Variants in NEBL observed in about 807,000 individuals in gnomAD.
NEBL encodes nebulette.
Under a neutral mutation model 140.2 loss-of-function variants are expected in NEBL, and 122 were observed. That is an observed-to-expected ratio of 0.87 (90% confidence interval 0.75 to 1.01). The LOEUF is 1.01. Among genes scored for constraint, NEBL ranks in the 50% least tolerant of loss-of-function variants. NEBL has a pLI of 0.00. For missense variants in NEBL, 1,365 were observed against 1,231.3 expected (o/e 1.11, Z -1.62); for synonymous variants, 436 against 398.9 (o/e 1.09, Z -1.11).
intron 2 of NEBL, chr10:21,110,764 G>T (rs1209277530): frequency 3.8e-6 from 2 of 520,942 alleles, no homozygotes; most frequent in East Asian, 4.0e-5. Flanking sequence ...GGATACTGAT[G>T]AAAATGAGCA....
chr10:20,850,370 A>G (rs145700894), intron 11 of NEBL, 25 bp downstream of exon 11: 2 of 1,478,082 alleles, frequency 1.4e-6, no homozygotes, highest in South Asian at 1.1e-5. Flanking sequence ...ACATTAAACA[A>G]TTAGTAACAA....
intron 3 of NEBL, among the ~76,000 whole-genome samples, chr10:21,242,019 T>C (rs1261288550): frequency 1.3e-5 from 2 of 151,986 alleles, no homozygotes; most frequent in Admixed American, 1.3e-4. Flanking sequence ...CTGGGCAACA[T>C]AGTGAAACCC....
intron 2 of NEBL, among the ~76,000 whole-genome samples, chr10:21,249,818 C>T (rs999966068): frequency 6.6e-6 from 1 of 152,040 alleles, no homozygotes; most frequent in Non-Finnish European, 1.5e-5. Flanking sequence ...AATCCCAGCA[C>T]TTCGGGAGGC....
intron 2 of NEBL, among the ~76,000 whole-genome samples, chr10:21,053,960 G>C (rs1834898042): frequency 6.6e-6 from 1 of 152,120 alleles, no homozygotes. Flanking sequence ...TTGAACCTGG[G>C]AGGTGGAGGT....
At chr10:20,853,460 C>G (rs565730476) in intron 9 of NEBL, among the ~76,000 whole-genome samples, 3 of 152,080 alleles carry the variant, frequency 2.0e-5, no homozygotes, top group African/African-American at 7.2e-5. Context: ...ATATACACAA[C>G]GGAATACTAT....
At chr10:20,959,735 C>T (rs958244408) in intron 4 of NEBL, among the ~76,000 whole-genome samples, 1 of 151,930 alleles carries the variant, frequency 6.6e-6, no homozygotes, top group African/African-American at 2.4e-5. Flanking sequence ...AAGAGAACTA[C>T]TTATAAGACT....
At chr10:20,862,224 T>C (rs1843776173) in intron 7 of NEBL, among the ~76,000 whole-genome samples, 1 of 152,228 alleles carries the variant, frequency 6.6e-6, no homozygotes, top group Admixed American at 6.5e-5. Flanking sequence ...CTGTTATTCA[T>C]ATATTTATAT....
chr10:20,970,363 G>A (rs950188023), intron 3 of NEBL, among the ~76,000 whole-genome samples: 1 of 152,112 alleles, frequency 6.6e-6, no homozygotes, highest in African/African-American at 2.4e-5. Flanking sequence ...AATAGGCTGG[G>A]CACAGTGGCT....
At chr10:21,076,530 A>T (rs1357097384) in intron 2 of NEBL, among the ~76,000 whole-genome samples, 2 of 151,920 alleles carry the variant, frequency 1.3e-5, no homozygotes, top group Non-Finnish European at 2.9e-5. Context: ...AAAAAAAACT[A>T]AAGTGGGAAC....
chr10:20,877,040 T>C (rs1043472063), intron 5 of NEBL, among the ~76,000 whole-genome samples: 9 of 152,244 alleles, frequency 5.9e-5, no homozygotes, highest in African/African-American at 2.2e-4. Flanking sequence ...AAATTTCACA[T>C]TGATTTGGCC....
At chr10:21,091,545 A>C (rs1195019379) in intron 2 of NEBL, among the ~76,000 whole-genome samples, 1 of 152,224 alleles carries the variant, frequency 6.6e-6, no homozygotes, top group African/African-American at 2.4e-5. Context: ...TTTCCTCTGA[A>C]ATTCTCCCAA....
At chr10:21,166,667 G>A (rs1011937745) in intron 2 of NEBL, among the ~76,000 whole-genome samples, 3 of 152,128 alleles carry the variant, frequency 2.0e-5, no homozygotes, top group African/African-American at 7.2e-5. Flanking sequence ...GTATTACTGT[G>A]CCCATTTGAC....
intron 2 of NEBL, among the ~76,000 whole-genome samples, chr10:21,066,409 A>C (rs991961180): frequency 6.6e-6 from 1 of 152,244 alleles, no homozygotes; most frequent in Non-Finnish European, 1.5e-5. Flanking sequence ...AATGTTTTTC[A>C]TGCTAATGAT....
chr10:21,118,709 A>G (rs1449118085), intron 2 of NEBL, among the ~76,000 whole-genome samples: 5 of 152,208 alleles, frequency 3.3e-5, no homozygotes, highest in African/African-American at 1.2e-4. Context: ...TCAGTGAAAC[A>G]GAGTCAGTTT....
At chr10:21,076,931 T>C (rs893836850) in intron 2 of NEBL, among the ~76,000 whole-genome samples, 1 of 152,130 alleles carries the variant, frequency 6.6e-6, no homozygotes, top group Non-Finnish European at 1.5e-5. Flanking sequence ...TAGTGTTTCA[T>C]GGATGTGGAG....
rs757913180 is a variant in NEBL at position 20,785,922 on chromosome 10, C to T, written c.2870G>A (p.Arg957Lys). 1 of 1,613,752 alleles carries T rather than the reference C, an allele frequency of 6.2e-7. No homozygotes were observed. Among genetic ancestry groups the T allele is most frequent in the South Asian group, 1.1e-5 (1 of 91,066 alleles). ...MRSMQHSPNL[R>K]TYRAMYDYSA... ...GTAATCGTACATGGCTCGGTAGGTC[C>T]TCTGAGAAAGGAAGAAGGGATTATA... is the stretch of plus-strand genomic sequence containing the variant. Residue 957 changes from arginine to lysine, a missense_variant and splice_region_variant, in exon 28 of 28, where the codon AGG (arginine) becomes AAG (lysine). This residue lies in a region of NEBL where 1,323 missense variants were observed against 1,154.8 expected (regional missense o/e 1.15). Coordinates refer to ENST00000377122, the MANE Select transcript of NEBL (RefSeq NM_006393.3).
Position 20,835,537 on chromosome 10 carries a change from C to T in NEBL, c.1425G>A (p.Lys475=). 6.2e-7 allele frequency: 1 copy of T among 1,612,336 alleles called. No individual in the cohort carries two copies. The highest frequency in any genetic ancestry group is 1.3e-5 in the African/African-American group (1 of 75,026). Residue 475 remains lysine (K), a synonymous_variant, in exon 14 of 28, where the codon AAG becomes AAA. Transcript: ENST00000377122. ...GTDTLEMQHA[K]KAAEIASEKD... is the part of the protein sequence containing the mutation. ...CCTCACTCGCTATCTCTGCAGCCTT[C>T]TTGGCATGCTGCATTTCAAGGGTGT...
In NEBL at chr10:20,808,591, C is replaced by T. The variant is rs757509884; in HGVS notation, c.2680G>A (p.Gly894Arg). The T allele has an allele frequency of 5.0e-6, 8 of 1,613,454 alleles. No individual in the cohort carries two copies. In the East Asian group the frequency reaches 6.7e-5, roughly 13 times the overall value. The change falls in exon 26 of 28, where the codon GGA becomes AGA. Residue 894 changes from glycine (G) to arginine (R), a missense_variant. Gly to Arg is a moderately radical substitution (Grantham distance 125). Around this residue, in one of 2 missense-constraint regions of NEBL, gnomAD observed 1,323 missense variants for 1,154.8 expected, o/e 1.15. Transcript: ENST00000377122. Reference protein sequence around the residue: ...HSSSTFGTGLGDDRSEISEIY... With the variant: ...HSSSTFGTGLRDDRSEISEIY... ...TCGGAGATTTCTGACCTGTCGTCTC[C>T]GAGACCTGTACCGAAAGTACTGCTG...
At chr10:20,961,625 G>T (rs560180012) in intron 4 of NEBL, 2 of 1,361,106 alleles carry the variant, frequency 1.5e-6, no homozygotes, top group East Asian at 4.6e-5. Flanking sequence ...TTCTCATCCA[G>T]AAATGCACAT....
Sources: allele counts gnomAD v4.1 joint callset (sites outside exome capture counted in the v4.1 genomes callset), GRCh38; gene constraint gnomAD v4.1.1; regional missense constraint gnomAD v4.1.1; transcripts MANE v1.5; gene names NCBI Gene and HGNC (gene_info 2026-07-23, HGNC 2026-07-21).